The following APP variants were observed in gnomAD, a reference collection of about 807,000 sequenced individuals.
APP encodes the protein amyloid beta precursor protein, also known as amyloid-beta precursor protein.
Under a neutral mutation model 101.4 loss-of-function variants are expected in APP, and 31 were observed. The observed-to-expected ratio is 0.31, with a 90% CI of 0.23 to 0.41. APP has a LOEUF of 0.41. Ranked by LOEUF, APP falls within the 10% of genes least tolerant of loss-of-function variation. The pLI is 1.00. For missense variants in APP, 839 were observed against 1,003.7 expected, an observed-to-expected ratio of 0.84 and a Z score of 2.22; for synonymous variants, 366 against 364.4, an observed-to-expected ratio of 1.00 and a Z score of -0.05.
chr21:25,973,814 C>T (rs1414991193), intron 11 of APP, among the ~76,000 whole-genome samples: 2 of 151,842 alleles, frequency 1.3e-5, no homozygotes, highest in African/African-American at 4.8e-5. Flanking sequence ...TCGTGGCTCA[C>T]CTGTAATCCT....
intron 5 of APP, among the ~76,000 whole-genome samples, chr21:26,034,494 T>C (rs1282839311): frequency 1.3e-5 from 2 of 151,388 alleles, no homozygotes; most frequent in East Asian, 1.9e-4. Flanking sequence ...ACACAAAAAA[T>C]AGCTGGGCAT....
chr21:26,025,508 G>A (rs1172447581), intron 5 of APP, among the ~76,000 whole-genome samples: 1 of 152,198 alleles, frequency 6.6e-6, no homozygotes, highest in Non-Finnish European at 1.5e-5. Flanking sequence ...GTGTTTCCAG[G>A]TGGGATGGTG....
chr21:26,061,465 G>A (rs1440060635), intron 3 of APP, among the ~76,000 whole-genome samples: 2 of 152,120 alleles, frequency 1.3e-5, no homozygotes, highest in East Asian at 1.9e-4. Flanking sequence ...GCTATCTTTT[G>A]TAACTTTCAC....
chr21:25,940,451 T>A (rs1339654449), intron 13 of APP, among the ~76,000 whole-genome samples: 1 of 152,210 alleles, frequency 6.6e-6, no homozygotes, highest in African/African-American at 2.4e-5. Flanking sequence ...TCACCTATCC[T>A]TATCATGACA....
At chr21:26,170,017 G>A (rs372045537) in intron 1 of APP, among the ~76,000 whole-genome samples, 29 of 152,312 alleles carry the variant, frequency 1.9e-4, no homozygotes, top group Middle Eastern at 3.4e-3. Context: ...AAGGAAGGGG[G>A]ATGGGGGTGA....
At chr21:26,169,653 C>T (rs748909721) in intron 1 of APP, among the ~76,000 whole-genome samples, 9 of 152,264 alleles carry the variant, frequency 5.9e-5, no homozygotes, top group Non-Finnish European at 1.3e-4. Flanking sequence ...TGCCCCCTCC[C>T]AGGCGGACGC....
At chr21:26,032,439 G>A (rs1038922157) in intron 5 of APP, among the ~76,000 whole-genome samples, 1 of 152,144 alleles carries the variant, frequency 6.6e-6, no homozygotes, top group Admixed American at 6.5e-5. Context: ...GTGATTAATG[G>A]TGACTTTCCA....
chr21:26,084,725 T>C lies in APP; in HGVS notation c.355+5218A>G, dbSNP rs183538864. On this transcript the variant is annotated intron_variant, in intron 3 of 17. Coordinates refer to ENST00000346798, the MANE Select transcript of APP (RefSeq NM_000484.4). The stretch of plus-strand genomic sequence containing the variant: ...AAAAAAAATTAAGGAAGATCAAGAA[T>C]CTTCCTGAAGAATCAGTGATGATTA... Among the ~76,000 whole-genome samples the C allele has an allele frequency of 2.6e-4, 39 of 152,330 alleles. 1 individual carries two copies. The East Asian group carries it at 7.0e-3, about 27-fold the overall frequency.
chr21:26,131,735 C>T (rs531209961), intron 1 of APP, among the ~76,000 whole-genome samples: 1 of 152,306 alleles, frequency 6.6e-6, no homozygotes, highest in East Asian at 1.9e-4. Context: ...CAACTGTTCT[C>T]ATCAGTGAGA....
At chr21:25,964,882 G>A (rs1374448710) in intron 11 of APP, among the ~76,000 whole-genome samples, 2 of 152,212 alleles carry the variant, frequency 1.3e-5, no homozygotes, top group Non-Finnish European at 2.9e-5. Flanking sequence ...TTACAGGCAT[G>A]AGCCACCACG....
At chr21:26,047,792 T>A (rs918269116) in intron 5 of APP, among the ~76,000 whole-genome samples, 1 of 152,218 alleles carries the variant, frequency 6.6e-6, no homozygotes, top group African/African-American at 2.4e-5. Flanking sequence ...CAGCCACATG[T>A]AACTATCAAA....
chr21:25,986,516 C>A (rs1446744320), intron 8 of APP, among the ~76,000 whole-genome samples: 1 of 152,000 alleles, frequency 6.6e-6, no homozygotes, highest in Non-Finnish European at 1.5e-5. Flanking sequence ...CATGGAGAAA[C>A]CCCGTCTCTA....
chr21:25,939,394 C>T (rs538929284), intron 13 of APP, among the ~76,000 whole-genome samples: 3 of 152,328 alleles, frequency 2.0e-5, no homozygotes, highest in South Asian at 2.1e-4. Context: ...TTAATGGTTG[C>T]GATTTAGTAA....
intron 3 of APP, among the ~76,000 whole-genome samples, chr21:26,085,940 G>C (rs184180834): frequency 8.6e-4 from 131 of 152,200 alleles, no homozygotes; most frequent in African/African-American, 2.9e-3. Flanking sequence ...TGACATTTAA[G>C]GTAAAATTCT....
At chr21:26,112,305 T>A (rs1182837963) in intron 1 of APP, among the ~76,000 whole-genome samples, 159 bp from the exon 2 acceptor site, 2 of 152,238 alleles carry the variant, frequency 1.3e-5, no homozygotes, top group Non-Finnish European at 2.9e-5. Flanking sequence ...GTGTTATGTA[T>A]GCTACAGATG....
chr21:26,065,921 C>G (rs891774502), intron 3 of APP, among the ~76,000 whole-genome samples: 1 of 151,874 alleles, frequency 6.6e-6, no homozygotes, highest in South Asian at 2.1e-4. Flanking sequence ...AAACTCAAAC[C>G]ATGCTTCAAA....
At chr21:25,887,683 T>TTA (rs2037424726) in intron 17 of APP, among the ~76,000 whole-genome samples, 1 of 127,996 alleles carries the variant, frequency 7.8e-6, no homozygotes, top group African/African-American at 2.9e-5. Context: ...TACTGTACCT[T>TTA]TTCTAGTTTG....
At chr21:26,151,430 A>G (rs2063267080) in intron 1 of APP, among the ~76,000 whole-genome samples, 1 of 152,168 alleles carries the variant, frequency 6.6e-6, no homozygotes, top group Non-Finnish European at 1.5e-5. Flanking sequence ...TGTTTGAACT[A>G]CTAGATCAGC....
At chr21:26,089,892 C>T (rs769325078) in intron 3 of APP, 51 bp downstream of exon 3, 6 of 1,611,522 alleles carry the variant, frequency 3.7e-6, no homozygotes, top group Non-Finnish European at 5.1e-6. Context: ...CTTTTTCTTC[C>T]CTCAAGACCA....
Sources: gnomAD v4.1 joint callset for allele counts (sites outside exome capture counted in the v4.1 genomes callset) on GRCh38, gnomAD v4.1.1 for gene constraint, MANE v1.5 for transcripts, NCBI Gene and HGNC (gene_info 2026-07-23, HGNC 2026-07-21) for gene names.